Variants in ANKRD17 observed in about 807,000 individuals in gnomAD.
ANKRD17 encodes ankyrin repeat domain 17, also known as ankyrin repeat domain-containing protein 17.
ANKRD17 carries 19 observed loss-of-function variants against 229.7 expected under a neutral mutation model. The observed-to-expected ratio is 0.08, with a 90% CI of 0.06 to 0.12. ANKRD17 has a LOEUF of 0.12. ANKRD17 is among the 10% of genes least tolerant of loss of function. The pLI is 1.00. For synonymous variants in ANKRD17, 1,112 were observed against 1,146.1 expected, an observed-to-expected ratio of 0.97 and a Z score of 0.60; for missense variants, 2,176 against 3,176.8, an observed-to-expected ratio of 0.68 and a Z score of 7.57.
In ANKRD17 at chr4:73,092,247, T is replaced by C. The variant is rs767457344; in HGVS notation, c.5381A>G (p.Lys1794Arg). ...QATQLINALI[K>R]DPDKEIDELI... Reference sequence around the variant, plus strand: ...TTCATCAATTTCTTTGTCTGGATCCTTGATCAAAGCATTAATCAATTGAGT... The same window carrying C: ...TTCATCAATTTCTTTGTCTGGATCCCTGATCAAAGCATTAATCAATTGAGT... The change falls in exon 29 of 34, where the codon AAG (lysine) becomes AGG (arginine). Residue 1794 changes from lysine to arginine, a missense_variant. Transcript: ENST00000358602. 32 of 1,614,090 alleles carry C rather than the reference T, an allele frequency of 2.0e-5. No individual in the cohort carries two copies. In the South Asian group the frequency reaches 2.7e-4, roughly 14 times the overall value.
intron 16 of ANKRD17, among the ~76,000 whole-genome samples, chr4:73,128,006 T>C (rs1727701314): frequency 6.6e-6 from 1 of 152,192 alleles, no homozygotes. Context: ...AGCTACTGAC[T>C]GCAGAGATCA....
At chr4:73,205,144 C>T (rs1739274533) in intron 1 of ANKRD17, among the ~76,000 whole-genome samples, 1 of 151,978 alleles carries the variant, frequency 6.6e-6, no homozygotes, top group African/African-American at 2.4e-5. Context: ...CAAGACACCA[C>T]CTCTACAATA....
Position 73,130,462 on chromosome 4 carries a change from T to C in ANKRD17, c.3234+4655A>G, listed in dbSNP as rs982740428. 4.6e-5 allele frequency among the ~76,000 whole-genome samples: 7 copies of C among 152,258 alleles called. No homozygotes were observed. In the East Asian group the frequency reaches 9.7e-4, roughly 21 times the overall value. ...GAGAAAAATATTCATATAATACTTA[T>C]ACCATTAAAGGTAAAATATAATTTT... On this transcript the variant is annotated intron_variant, in intron 16 of 33. Coordinates refer to ENST00000358602, the MANE Select transcript of ANKRD17 (RefSeq NM_032217.5).
At chr4:73,176,344 T>C (rs540334402) in intron 2 of ANKRD17, among the ~76,000 whole-genome samples, 17 of 152,298 alleles carry the variant, frequency 1.1e-4, no homozygotes, top group Middle Eastern at 3.4e-3. Flanking sequence ...CCTCATATAC[T>C]ATTGGTGAGA....
chr4:73,155,603 G>C, intron 5 of ANKRD17, 28 bp downstream of exon 5: 2 of 1,611,964 alleles, frequency 1.2e-6, no homozygotes, highest in Non-Finnish European at 1.7e-6. Flanking sequence ...TTACTATGTA[G>C]TAAAACTGAA....
intron 1 of ANKRD17, among the ~76,000 whole-genome samples, chr4:73,221,521 C>CA (rs1321069184): frequency 6.6e-6 from 1 of 151,898 alleles, no homozygotes; most frequent in South Asian, 2.1e-4. Context: ...AAATCCAAAC[C>CA]AAAAAATTTT....
chr4:73,162,006 G>A (rs538949156), intron 2 of ANKRD17, among the ~76,000 whole-genome samples: 4 of 151,294 alleles, frequency 2.6e-5, no homozygotes, highest in Non-Finnish European at 5.9e-5. Flanking sequence ...CCTCCCAGTA[G>A]CTGGAATTAT....
intron 1 of ANKRD17, among the ~76,000 whole-genome samples, chr4:73,212,864 A>C (rs1175705052): frequency 2.1e-5 from 3 of 140,564 alleles, no homozygotes; most frequent in African/African-American, 8.0e-5. Context: ...AAAAAAATAC[A>C]AAAAAAAAAA....
At chr4:73,114,254 T>C (rs965217274) in intron 23 of ANKRD17, among the ~76,000 whole-genome samples, 4 of 152,176 alleles carry the variant, frequency 2.6e-5, no homozygotes, top group African/African-American at 9.7e-5. Flanking sequence ...AAGGAAATAA[T>C]GTCAACAAAG....
chr4:73,091,850 C>A lies in ANKRD17; in HGVS notation c.5778G>T (p.Pro1926=), dbSNP rs111688196. Residue 1926 remains proline, a synonymous_variant, in exon 29 of 34, where the codon CCG becomes CCT. Coordinates refer to ENST00000358602, the MANE Select transcript of ANKRD17 (RefSeq NM_032217.5). ...CAGGGCTCAAAGGCCTGACAGGAAA[C>A]GGACCCCAAGTGGATTGAGCTGGTG... The part of the protein sequence containing the change: ...TFPPAQSTWG[P]FPVRPLSPAR... 1.2e-3 allele frequency: 1,923 copies of A among 1,614,156 alleles called. 42 individuals carry two copies. The South Asian group carries it at 0.017, about 15-fold the overall frequency.
rs1491132715 is a variant in ANKRD17, at chr4:73,179,488, G to GTGTATA, written c.394-1956_394-1955insTATACA. The stretch of plus-strand genomic sequence containing the variant: ...TATATGTGTGTGTGTGTGTGTGTGT[G>GTGTATA]TATATATATATATATATATATATAT... On this transcript the variant is annotated intron_variant, in intron 1 of 33. Transcript: ENST00000358602. Among the ~76,000 whole-genome samples, 234 of 48,140 alleles carry GTGTATA rather than the reference G, an allele frequency of 4.9e-3. 1 individual carries two copies. Among genetic ancestry groups the GTGTATA allele is most frequent in the Middle Eastern group, 0.025 (1 of 40 alleles). 31.6% of individuals were successfully genotyped at this position (48,140 alleles called of 152,430 possible).
chr4:73,194,972 A>G (rs550043849), intron 1 of ANKRD17, among the ~76,000 whole-genome samples: 30 of 152,274 alleles, frequency 2.0e-4, no homozygotes, highest in African/African-American at 7.0e-4. Context: ...TTCATTTTCC[A>G]AATGTTCATT....
intron 1 of ANKRD17, among the ~76,000 whole-genome samples, chr4:73,252,609 T>A (rs897457451): frequency 2.0e-5 from 3 of 152,108 alleles, no homozygotes; most frequent in Non-Finnish European, 4.4e-5. Flanking sequence ...TTCAACAAAA[T>A]CTTTTGTTTA....
intron 1 of ANKRD17, among the ~76,000 whole-genome samples, chr4:73,231,111 A>G (rs1743000362): frequency 6.6e-6 from 1 of 152,146 alleles, no homozygotes. Context: ...TTGAAAGCAA[A>G]TATCTACCAA....
chr4:73,104,300 G>C (rs1467076066), intron 24 of ANKRD17, among the ~76,000 whole-genome samples: 1 of 152,126 alleles, frequency 6.6e-6, no homozygotes, highest in Non-Finnish European at 1.5e-5. Context: ...TATCTGATTG[G>C]TGAGTTTGAA....
intron 18 of ANKRD17, among the ~76,000 whole-genome samples, chr4:73,123,415 G>T (rs1727012863): frequency 6.6e-6 from 1 of 151,950 alleles, no homozygotes; most frequent in African/African-American, 2.4e-5. Flanking sequence ...CCCCTACTAT[G>T]AATTATAGAA....
At chr4:73,161,088 C>A in intron 3 of ANKRD17, 104 bp downstream of exon 3, 1 of 1,386,300 alleles carries the variant, frequency 7.2e-7, no homozygotes, top group East Asian at 2.4e-5. Context: ...AAGTGGTTAG[C>A]ACAGTGCCAG....
chr4:73,146,845 T>A lies in ANKRD17; in HGVS notation c.1788A>T (p.Thr596=). Residue 596 remains threonine, a synonymous_variant, in exon 10 of 34, where the codon ACA becomes ACT. Transcript: ENST00000358602. ...AGGCATATGTTAGTGCTGTATCCCC[T>A]GTTGCTGTTGTTGCATGAACGTTAG... The part of the protein sequence containing the change: ...AGANVHATTA[T]GDTALTYACE... 1 of 1,612,562 alleles carries A rather than the reference T, an allele frequency of 6.2e-7. No individual in the cohort carries two copies. The highest frequency in any genetic ancestry group is 8.5e-7 in the Non-Finnish European group (1 of 1,179,036).
intron 16 of ANKRD17, among the ~76,000 whole-genome samples, chr4:73,132,798 T>C (rs1183901145): frequency 2.6e-5 from 4 of 152,208 alleles, no homozygotes; most frequent in Non-Finnish European, 5.9e-5. Context: ...TACAGTAATT[T>C]CATATTCAGT....
Sources: gnomAD v4.1 joint callset for allele counts (sites outside exome capture counted in the v4.1 genomes callset) on GRCh38, gnomAD v4.1.1 for gene constraint, MANE v1.5 for transcripts, NCBI Gene and HGNC (gene_info 2026-07-23, HGNC 2026-07-21) for gene names.